UNC13B: variants seen among roughly 807,000 people sequenced by gnomAD.
The protein encoded by UNC13B is unc-13 homolog B, also known as protein unc-13 homolog B.
UNC13B carries 144 observed loss-of-function variants against 211.0 expected under a neutral mutation model. The ratio of observed to expected loss-of-function variants is 0.68; its 90% CI spans 0.60 to 0.78. The LOEUF (loss-of-function observed/expected upper bound fraction) is 0.78, where lower values mean the gene tolerates loss of function less well. Among genes scored for constraint, UNC13B ranks in the 30% least tolerant of loss-of-function variants. UNC13B has a pLI of 0.00. For missense variants in UNC13B, 1,777 were observed against 2,002.0 expected (o/e 0.89, Z 2.14); for synonymous variants, 709 against 725.8 (o/e 0.98, Z 0.37).
intron 8 of UNC13B, among the ~76,000 whole-genome samples, chr9:35,297,561 T>TTTTTTTTTTTTGTTTTTTTGTTTTTTTG: frequency 7.8e-6 from 1 of 128,164 alleles, no homozygotes; most frequent in African/African-American, 2.9e-5. Flanking sequence ...TTTTTTTTTT[T>TTTTTTTTTTTTGTTTTTTTGTTTTTTTG]TTTTTTGAGA....
At chr9:35,246,607 A>G (rs1398548518) in intron 6 of UNC13B, among the ~76,000 whole-genome samples, 1 of 152,188 alleles carries the variant, frequency 6.6e-6, no homozygotes, top group Non-Finnish European at 1.5e-5. Context: ...TTGAATAGGG[A>G]ATCCTTTTCC....
At chr9:35,200,210 C>A (rs1187520083) in intron 1 of UNC13B, among the ~76,000 whole-genome samples, 1 of 152,156 alleles carries the variant, frequency 6.6e-6, no homozygotes, top group East Asian at 1.9e-4. Context: ...TGTTTTGATA[C>A]CAGTACCATG....
At chr9:35,353,263 T>G in intron 11 of UNC13B, 1 of 1,232,292 alleles carries the variant, frequency 8.1e-7, no homozygotes, top group Admixed American at 4.2e-5. Context: ...AAATCAAGTT[T>G]TATACAAGTA....
chr9:35,253,933 C>T (rs527586381), intron 6 of UNC13B, among the ~76,000 whole-genome samples: 9 of 152,310 alleles, frequency 5.9e-5, no homozygotes, highest in Non-Finnish European at 1.0e-4. Flanking sequence ...TCCTGTTTCA[C>T]TGTTTCCTTA....
chr9:35,295,592 T>C, intron 7 of UNC13B, 104 bp from the exon 8 acceptor site: 5 of 1,103,404 alleles, frequency 4.5e-6, no homozygotes, highest in Non-Finnish European at 5.3e-6. Context: ...CAGCTTGCTT[T>C]TGTTCTCAAG....
chr9:35,211,606 G>A (rs1295670256), intron 1 of UNC13B, among the ~76,000 whole-genome samples: 1 of 152,136 alleles, frequency 6.6e-6, no homozygotes, highest in Admixed American at 6.5e-5. Flanking sequence ...ATGAGTAGTA[G>A]TACTGGGAGA....
At chr9:35,213,267 G>C (rs910779835) in intron 1 of UNC13B, among the ~76,000 whole-genome samples, 1 of 152,150 alleles carries the variant, frequency 6.6e-6, no homozygotes, top group African/African-American at 2.4e-5. Flanking sequence ...GGGCCTTCAT[G>C]ATGGGGTTAG....
intron 11 of UNC13B, among the ~76,000 whole-genome samples, chr9:35,315,351 G>A (rs1344970599): frequency 2.0e-5 from 3 of 152,064 alleles, no homozygotes; most frequent in Non-Finnish European, 4.4e-5. Context: ...TCACATATGT[G>A]CACATATACT....
At chr9:35,256,177 C>T (rs1305987634) in intron 6 of UNC13B, among the ~76,000 whole-genome samples, 1 of 152,112 alleles carries the variant, frequency 6.6e-6, no homozygotes, top group Admixed American at 6.5e-5. Flanking sequence ...AAAAATAAAG[C>T]TAAAATTCCA....
chr9:35,205,397 C>T (rs1028163638), intron 1 of UNC13B, among the ~76,000 whole-genome samples: 1 of 152,106 alleles, frequency 6.6e-6, no homozygotes, highest in African/African-American at 2.4e-5. Context: ...GTTTGCATAC[C>T]ATGCAATTCA....
At chr9:35,188,247 TA>T (rs1277794987) in intron 1 of UNC13B, among the ~76,000 whole-genome samples, 1 of 152,190 alleles carries the variant, frequency 6.6e-6, no homozygotes, top group Non-Finnish European at 1.5e-5. Context: ...GAACACCTGT[TA>T]AAGTCCTGTA....
chr9:35,385,580 G>A, intron 22 of UNC13B, 144 bp from the exon 23 acceptor site: 5 of 1,403,678 alleles, frequency 3.6e-6, no homozygotes, highest in Non-Finnish European at 4.7e-6. Flanking sequence ...AAGGAGACCT[G>A]TAACTTTACA....
intron 29 of UNC13B, 128 bp from the exon 30 acceptor site, chr9:35,397,507 G>T: frequency 1.5e-6 from 2 of 1,292,600 alleles, no homozygotes; most frequent in Non-Finnish European, 2.1e-6. Flanking sequence ...GCTTTCTCCT[G>T]TACTGTGGGA....
chr9:35,173,548 C>T (rs7020771), intron 1 of UNC13B, among the ~76,000 whole-genome samples: 122,168 of 151,770 alleles, frequency 0.8, 49,543 homozygotes, highest in East Asian at 0.98. Flanking sequence ...CTCAGCCTCG[C>T]GAGTAGTTGG....
In UNC13B at chr9:35,399,685, C is replaced by A. The variant is rs772001681; in HGVS notation, c.12292C>A (p.Pro4098Thr). 41 of 1,613,978 alleles carry A rather than the reference C, an allele frequency of 2.5e-5. 1 individual carries two copies. The East Asian group carries it at 8.9e-4, about 35-fold the overall frequency. ...ACGAGAGGAAACACGGAATCTCACTCCAAAGCAGTGTGCAGTCCTTGACCT... is the reference window on the plus strand; with the variant it reads ...ACGAGAGGAAACACGGAATCTCACTACAAAGCAGTGTGCAGTCCTTGACCT... ...MVREETRNLT[P>T]KQCAVLDLAL... Residue 4098 changes from proline (P) to threonine (T), a missense_variant, in exon 36 of 40, where the codon CCA becomes ACA. By Grantham distance (38) the Pro-to-Thr change is conservative. Coordinates refer to ENST00000635942, the MANE Select transcript of UNC13B (RefSeq NM_001371189.2).
intron 7 of UNC13B, among the ~76,000 whole-genome samples, chr9:35,276,305 CAA>C (rs35634253): frequency 7.5e-4 from 63 of 83,984 alleles, no homozygotes; most frequent in East Asian, 3.3e-3. Context: ...GAGCCTGTCT[CAA>C]AAAAAAAAAA....
In UNC13B at chr9:35,254,959, AATAT is replaced by A. The variant is rs1226412500; in HGVS notation, c.469-4031_469-4028del. Among the ~76,000 whole-genome samples, 13 of 117,522 alleles carry A rather than the reference AATAT, an allele frequency of 1.1e-4. No individual in the cohort carries two copies. In the Admixed American group the frequency reaches 1.2e-3, roughly 11 times the overall value. 77.1% of individuals were successfully genotyped at this position (117,522 alleles called of 152,430 possible). On this transcript the variant is annotated intron_variant, in intron 6 of 39. Coordinates refer to ENST00000635942, the MANE Select transcript of UNC13B (RefSeq NM_001371189.2). ...ATATATTAATATATGTATATAATATAATATATTATATTATATATTAATATATGTA... is the reference window on the plus strand; with the variant it reads ...ATATATTAATATATGTATATAATATAATTATATTATATATTAATATATGTA...
chr9:35,386,438 G>A (rs914557154), intron 24 of UNC13B, 145 bp downstream of exon 24: 2 of 1,135,656 alleles, frequency 1.8e-6, no homozygotes, highest in African/African-American at 3.1e-5. Context: ...GAACCATGTG[G>A]ACCATGTGAG....
At chr9:35,266,932 G>A (rs926130677) in intron 7 of UNC13B, among the ~76,000 whole-genome samples, 3 of 152,210 alleles carry the variant, frequency 2.0e-5, no homozygotes, top group African/African-American at 7.2e-5. Flanking sequence ...ACTTCCCAAA[G>A]CCTAAGATTT....
Sources: allele counts gnomAD v4.1 joint callset (sites outside exome capture counted in the v4.1 genomes callset), GRCh38; gene constraint gnomAD v4.1.1; transcripts MANE v1.5; gene names NCBI Gene and HGNC (gene_info 2026-07-23, HGNC 2026-07-21).